The following MYZAP variants were observed in gnomAD, a reference collection of about 807,000 sequenced individuals.
MYZAP encodes the protein GRINL1A complex locus upstream.
Under a neutral mutation model 69.4 loss-of-function variants are expected in MYZAP, and 66 were observed. The observed-to-expected ratio is 0.95, with a 90% CI of 0.78 to 1.17. The LOEUF is 1.17. Ranked by LOEUF, MYZAP falls within the 50% of genes most tolerant of loss-of-function variation. MYZAP has a pLI of 0.00. For synonymous variants in MYZAP, 256 were observed against 205.9 expected (o/e 1.24, Z -2.09); for missense variants, 611 against 556.2 (o/e 1.10, Z -0.99).
At chr15:57,599,587 C>G (rs1440850619) in intron 1 of MYZAP, 2 of 1,288,076 alleles carry the variant, frequency 1.6e-6, no homozygotes, top group Non-Finnish European at 2.0e-6. Context: ...TTTGGGAACC[C>G]CTGGGAATAA....
chr15:57,661,643 A>G (rs1197672543), intron 11 of MYZAP, 110 bp downstream of exon 11: 2 of 981,340 alleles, frequency 2.0e-6, no homozygotes, highest in African/African-American at 3.4e-5. Flanking sequence ...CGGCCTTATA[A>G]AATTGATTGA....
chr15:57,682,572 C>A (rs140724145), intron 12 of MYZAP, among the ~76,000 whole-genome samples: 4 of 152,136 alleles, frequency 2.6e-5, no homozygotes, highest in African/African-American at 9.7e-5. Context: ...CTAGTCAACC[C>A]TCGATAGTAC....
At chr15:57,679,140 T>TA (rs1292167113) in intron 12 of MYZAP, among the ~76,000 whole-genome samples, 1 of 152,088 alleles carries the variant, frequency 6.6e-6, no homozygotes, top group African/African-American at 2.4e-5. Flanking sequence ...CGCACCATTG[T>TA]ACTCCATCCT....
intron 12 of MYZAP, among the ~76,000 whole-genome samples, chr15:57,684,017 C>T (rs954239379): frequency 1.3e-5 from 2 of 152,120 alleles, no homozygotes; most frequent in Non-Finnish European, 2.9e-5. Context: ...TGGTCACGAA[C>T]TCCCGACTTC....
At position 57,639,454 on chromosome 15, in the gene MYZAP, A is replaced by G; in HGVS notation, c.1028A>G (p.Glu343Gly). 3 of 1,613,962 alleles carry G rather than the reference A, an allele frequency of 1.9e-6. No individual in the cohort carries two copies. Among genetic ancestry groups the G allele is most frequent in the Non-Finnish European group, 2.5e-6 (3 of 1,179,954 alleles). The change falls in exon 10 of 13, where the codon GAG becomes GGG. Residue 343 changes from glutamate to glycine, a missense_variant. Coordinates refer to ENST00000267853, the MANE Select transcript of MYZAP (RefSeq NM_001018100.5). The part of the protein sequence containing the change: ...DSDKERYQQL[E>G]EASASLRERI... ...ATTTGTGTTAGGTATCAGCAGTTGGAGGAGGCATCAGCCAGCCTCCGTGAG... is the reference window on the plus strand; with the variant it reads ...ATTTGTGTTAGGTATCAGCAGTTGGGGGAGGCATCAGCCAGCCTCCGTGAG...
intron 2 of MYZAP, among the ~76,000 whole-genome samples, chr15:57,609,074 T>TATAG (rs541362060): frequency 9.6e-4 from 146 of 152,348 alleles, no homozygotes; most frequent in Non-Finnish European, 1.6e-3. Flanking sequence ...TCCACATAGG[T>TATAG]ATAGATATAT....
rs759730507 is a variant in MYZAP at position 57,684,584 on chromosome 15, T to G, written c.*86T>G. 7.2e-6 allele frequency: 6 copies of G among 834,272 alleles called. No homozygotes were observed. The highest frequency in any genetic ancestry group is 1.2e-5 in the Non-Finnish European group (6 of 505,336). 51.7% of individuals were successfully genotyped at this position (834,272 alleles called of 1,614,324 possible). A position where few individuals can be genotyped will look rare whatever the true frequency, so the allele number is the denominator to read the frequency against. On this transcript the variant is annotated 3_prime_UTR_variant, in exon 13 of 13. Coordinates refer to ENST00000267853, the MANE Select transcript of MYZAP (RefSeq NM_001018100.5). ...ATCCTTTGGGAAGGGTGACTGTTGTTTCCCCTACACACAGTGTAAGCCGGA... is the reference window on the plus strand; with the variant it reads ...ATCCTTTGGGAAGGGTGACTGTTGTGTCCCCTACACACAGTGTAAGCCGGA...
At chr15:57,674,900 T>C in intron 11 of MYZAP, 68 bp from the exon 12 acceptor site, 7 of 1,345,548 alleles carry the variant, frequency 5.2e-6, no homozygotes, top group Non-Finnish European at 6.2e-6. Context: ...TACATATAAA[T>C]TGTATCATGC....
At chr15:57,630,270 G>T (rs1319130884) in intron 6 of MYZAP, among the ~76,000 whole-genome samples, 1 of 152,126 alleles carries the variant, frequency 6.6e-6, no homozygotes, top group Non-Finnish European at 1.5e-5. Context: ...GCTTGGCCCA[G>T]TTTGGGGCTT....
At chr15:57,666,837 A>C (rs2038595776) in intron 11 of MYZAP, among the ~76,000 whole-genome samples, 1 of 152,174 alleles carries the variant, frequency 6.6e-6, no homozygotes, top group African/African-American at 2.4e-5. Flanking sequence ...TGAAAAAGAA[A>C]ATCTTCCTGA....
At chr15:57,649,695 TGG>T (rs1300433079) in intron 10 of MYZAP, among the ~76,000 whole-genome samples, 2 of 152,184 alleles carry the variant, frequency 1.3e-5, no homozygotes, top group Non-Finnish European at 2.9e-5. Flanking sequence ...TTTTTAATGT[TGG>T]CAGAAGTAAA....
chr15:57,655,377 TAGGG>T (rs1253797746), intron 10 of MYZAP, among the ~76,000 whole-genome samples: 1 of 151,956 alleles, frequency 6.6e-6, no homozygotes, highest in Non-Finnish European at 1.5e-5. Flanking sequence ...AGTGGGAAAA[TAGGG>T]AGCACAGCGG....
chr15:57,675,265 G>A (rs2039062072), intron 12 of MYZAP, among the ~76,000 whole-genome samples, 197 bp downstream of exon 12: 1 of 152,150 alleles, frequency 6.6e-6, no homozygotes, highest in African/African-American at 2.4e-5. Flanking sequence ...GGTCAGCAAA[G>A]GAGAGACCTG....
intron 11 of MYZAP, among the ~76,000 whole-genome samples, chr15:57,668,488 A>G (rs577238907): frequency 6.6e-6 from 1 of 152,258 alleles, no homozygotes; most frequent in Admixed American, 6.5e-5. Flanking sequence ...TAGCTTTTAG[A>G]ATTTGTCTAG....
At chr15:57,676,064 T>G (rs1029886355) in intron 12 of MYZAP, among the ~76,000 whole-genome samples, 4 of 152,092 alleles carry the variant, frequency 2.6e-5, no homozygotes, top group African/African-American at 7.2e-5. Flanking sequence ...ACCTGGTTCT[T>G]GTCCTACCAG....
intron 11 of MYZAP, 35 bp from the exon 12 acceptor site, chr15:57,674,933 G>T (rs141554658): frequency 1.9e-6 from 3 of 1,570,808 alleles, no homozygotes; most frequent in South Asian, 2.3e-5. Flanking sequence ...GAACATATTT[G>T]ACTTACTGAA....
intron 8 of MYZAP, 98 bp from the exon 9 acceptor site, chr15:57,637,597 A>C: frequency 7.4e-7 from 1 of 1,343,032 alleles, no homozygotes; most frequent in South Asian, 1.4e-5. Flanking sequence ...AGGGGGTGTC[A>C]TATAGACTTG....
At chr15:57,647,688 C>T in intron 10 of MYZAP, 1 of 985,278 alleles carries the variant, frequency 1.0e-6, no homozygotes, top group East Asian at 1.1e-4. Flanking sequence ...TAGAGTACTG[C>T]ATAGCCTGAG....
In MYZAP at chr15:57,636,695, C is replaced by T. The variant is rs572992601; in HGVS notation, c.934-1000C>T. The stretch of plus-strand genomic sequence containing the variant: ...GCACAATTTCGGTTATGACAGGCAC[C>T]ATGTTTTTATGAACATTTTTCAGCT... On this transcript the variant is annotated intron_variant, in intron 8 of 12. Transcript: ENST00000267853. Among the ~76,000 whole-genome samples, 5 of 152,296 alleles carry T rather than the reference C, an allele frequency of 3.3e-5. No individual in the cohort carries two copies. In the South Asian group the frequency reaches 1.0e-3, roughly 32 times the overall value.
Sources: gnomAD v4.1 joint callset for allele counts (sites outside exome capture counted in the v4.1 genomes callset) on GRCh38, gnomAD v4.1.1 for gene constraint, MANE v1.5 for transcripts, NCBI Gene and HGNC (gene_info 2026-07-23, HGNC 2026-07-21) for gene names.